Variants in ADAMTSL2 observed in about 807,000 individuals in gnomAD.
ADAMTSL2 encodes ADAMTS-like protein 2.
Under a neutral mutation model 117.0 loss-of-function variants are expected in ADAMTSL2, and 55 were observed. The observed-to-expected ratio is 0.47, with a 90% CI of 0.38 to 0.59. The LOEUF (loss-of-function observed/expected upper bound fraction) is 0.59, where lower values mean the gene tolerates loss of function less well. Ranked by LOEUF, ADAMTSL2 falls within the 20% of genes least tolerant of loss-of-function variation. ADAMTSL2 has a pLI of 0.00. For missense variants in ADAMTSL2, 1,182 were observed against 1,354.5 expected, an observed-to-expected ratio of 0.87 and a Z score of 2.00; for synonymous variants, 572 against 566.4, an observed-to-expected ratio of 1.01 and a Z score of -0.14.
chr9:133,568,163 G>C, intron 13 of ADAMTSL2, 110 bp from the exon 14 acceptor site: 1 of 1,168,086 alleles, frequency 8.6e-7, no homozygotes, highest in Non-Finnish European at 1.2e-6. Context: ...TGCGGTTTTG[G>C]ACCACATAGG....
chr9:133,574,954 G>A lies in ADAMTSL2; in HGVS notation c.*90G>A, dbSNP rs1831194582. On this transcript the variant is annotated 3_prime_UTR_variant, in exon 19 of 19. Transcript: ENST00000651351. The stretch of plus-strand genomic sequence containing the variant: ...TGGGGCCTCCACAGACCCCCCTCCT[G>A]CGGGGCACGCTGGCCTAAGAGACGT... 4.0e-6 allele frequency: 4 copies of A among 1,003,482 alleles called. No homozygotes were observed. Among genetic ancestry groups the A allele is most frequent in the Non-Finnish European group, 6.3e-6 (4 of 636,208 alleles). 62.2% of individuals were successfully genotyped at this position (1,003,482 alleles called of 1,614,324 possible). A position where few individuals can be genotyped will look rare whatever the true frequency, so the allele number is the denominator to read the frequency against.
At chr9:133,571,922 C>T (rs893875959) in intron 17 of ADAMTSL2, among the ~76,000 whole-genome samples, 2 of 152,172 alleles carry the variant, frequency 1.3e-5, no homozygotes, top group South Asian at 2.1e-4. Flanking sequence ...GAGCCTGGAA[C>T]GTTCATGGTG....
chr9:133,547,342 A>T, intron 9 of ADAMTSL2, 129 bp downstream of exon 9: 1 of 882,018 alleles, frequency 1.1e-6, no homozygotes, highest in Non-Finnish European at 1.8e-6. Flanking sequence ...CGGCAGCCTC[A>T]CCACTCTGCG....
intron 1 of ADAMTSL2, 23 bp from the exon 2 acceptor site, chr9:133,536,539 CG>C (rs1564490878): frequency 1.3e-6 from 2 of 1,538,264 alleles, no homozygotes; most frequent in Non-Finnish European, 1.8e-6. Context: ...TAGACTGAGG[CG>C]GGGGGTTCAT....
intron 9 of ADAMTSL2, 62 bp downstream of exon 9, chr9:133,547,275 G>C: frequency 6.5e-7 from 1 of 1,544,048 alleles, no homozygotes; most frequent in African/African-American, 1.4e-5. Context: ...CCAGAATCCA[G>C]CCACAGGTGA....
At chr9:133,544,606 T>C in intron 8 of ADAMTSL2, 56 bp downstream of exon 8, 1 of 1,480,640 alleles carries the variant, frequency 6.8e-7, no homozygotes, top group South Asian at 1.1e-5. Flanking sequence ...TGGAGCGTTG[T>C]GCGTGGCAGA....
Position 133,555,555 on chromosome 9 carries a change from C to T in ADAMTSL2, c.1277-3C>T, listed in dbSNP as rs1256901629. On this transcript the variant is annotated splice_polypyrimidine_tract_variant and splice_region_variant and intron_variant, in intron 10 of 18. Coordinates refer to ENST00000651351, the MANE Select transcript of ADAMTSL2 (RefSeq NM_014694.4). ...ACGGTTGAGCCACCTGTCTCCTCTCCAGACCGCAACGTCACGGGGACTCCT... is the reference window on the plus strand; with the variant it reads ...ACGGTTGAGCCACCTGTCTCCTCTCTAGACCGCAACGTCACGGGGACTCCT... 1 of 1,613,008 alleles carries T rather than the reference C, an allele frequency of 6.2e-7. No homozygotes were observed. Among genetic ancestry groups the T allele is most frequent in the African/African-American group, 1.3e-5 (1 of 75,060 alleles).
At chr9:133,543,252 T>C (rs1830267860) in intron 7 of ADAMTSL2, among the ~76,000 whole-genome samples, 2 of 152,224 alleles carry the variant, frequency 1.3e-5, no homozygotes, top group South Asian at 4.1e-4. Flanking sequence ...AAAAACACCA[T>C]ATACGGGTGT....
At chr9:133,569,311 C>G (rs1831050396) in intron 15 of ADAMTSL2, 97 bp from the exon 16 acceptor site, 2 of 1,308,892 alleles carry the variant, frequency 1.5e-6, no homozygotes, top group Non-Finnish European at 2.2e-6. Flanking sequence ...TCGACACTGC[C>G]TGGGAGCCAC....
Position 133,536,742 on chromosome 9 carries a change from G to T in ADAMTSL2, c.30G>T (p.Trp10Cys). Residue 10 changes from tryptophan to cysteine, a missense_variant, in exon 2 of 19, where the codon TGG (tryptophan) becomes TGT (cysteine). Coordinates refer to ENST00000651351, the MANE Select transcript of ADAMTSL2 (RefSeq NM_014694.4). The part of the protein sequence containing the change: MDGRWQCSC[W>C]AWFLLVLAVV... ...ATGGCAGATGGCAATGTTCCTGCTG[G>T]GCCTGGTTCCTGCTGGTTCTGGCAG... 6.2e-7 allele frequency: 1 copy of T among 1,614,206 alleles called. No individual in the cohort carries two copies. The highest frequency in any genetic ancestry group is 2.2e-5 in the East Asian group (1 of 44,878).
Position 133,539,842 on chromosome 9 carries a change from G to A in ADAMTSL2, c.381G>A (p.Gly127=), listed in dbSNP as rs1418717718. The A allele has an allele frequency of 3.9e-6, 6 of 1,551,054 alleles. No homozygotes were observed. The East Asian group carries it at 7.3e-5, about 19-fold the overall frequency. ...CCTTCAACTCCCACGTGTACAACGG[G>A]CGGACGCACCAGTGGAAGCCTCTGT... The part of the protein sequence containing the change: ...CVSFNSHVYN[G]RTHQWKPLYP... The change falls in exon 5 of 19, where the codon GGG becomes GGA. Residue 127 remains glycine, a synonymous_variant. Coordinates refer to ENST00000651351, the MANE Select transcript of ADAMTSL2 (RefSeq NM_014694.4).
chr9:133,564,637 AGAGGGAGAGAGG>A (rs1564179047), intron 12 of ADAMTSL2, among the ~76,000 whole-genome samples: 6 of 24,182 alleles, frequency 2.5e-4, no homozygotes, highest in African/African-American at 6.3e-4. Context: ...AGAGAGAGAG[AGAGGGAGAGAGG>A]GAGAGAGGGA....
intron 18 of ADAMTSL2, 108 bp downstream of exon 18, chr9:133,574,095 G>A (rs1488589357): frequency 1.4e-6 from 2 of 1,442,122 alleles, no homozygotes; most frequent in Middle Eastern, 2.3e-4. Flanking sequence ...TGGCGAGCCT[G>A]GGAACCAGCT....
At chr9:133,555,441 G>A in intron 10 of ADAMTSL2, 117 bp from the exon 11 acceptor site, 2 of 1,347,390 alleles carry the variant, frequency 1.5e-6, no homozygotes, top group Non-Finnish European at 1.0e-6. Flanking sequence ...CTCCTTCTGG[G>A]AGCTTCTTGG....
At chr9:133,548,563 G>T (rs1197970137) in intron 9 of ADAMTSL2, among the ~76,000 whole-genome samples, 1 of 152,064 alleles carries the variant, frequency 6.6e-6, no homozygotes, top group Non-Finnish European at 1.5e-5. Context: ...ATGTGGGCAG[G>T]AGGGCACGGG....
chr9:133,573,562 A>G (rs1831159492), intron 17 of ADAMTSL2, among the ~76,000 whole-genome samples: 2 of 152,094 alleles, frequency 1.3e-5, no homozygotes, highest in Non-Finnish European at 2.9e-5. Context: ...AGGAGGGACC[A>G]CCCCTCACTG....
At chr9:133,552,458 C>T (rs1830509273) in intron 9 of ADAMTSL2, among the ~76,000 whole-genome samples, 1 of 152,158 alleles carries the variant, frequency 6.6e-6, no homozygotes, top group African/African-American at 2.4e-5. Flanking sequence ...TTGGAGTGGT[C>T]CAGATGCCTT....
chr9:133,571,840 T>C (rs1488761588), intron 17 of ADAMTSL2, among the ~76,000 whole-genome samples: 1 of 152,162 alleles, frequency 6.6e-6, no homozygotes, highest in East Asian at 1.9e-4. Flanking sequence ...TCCAGCTACC[T>C]CTGCCCTCAG....
chr9:133,535,143 C>T (rs371887868), intron 1 of ADAMTSL2, among the ~76,000 whole-genome samples: 2 of 152,198 alleles, frequency 1.3e-5, no homozygotes, highest in East Asian at 1.9e-4. Flanking sequence ...CTCTCTGCTG[C>T]CGCCAGCCGC....
Sources: allele counts gnomAD v4.1 joint callset (sites outside exome capture counted in the v4.1 genomes callset), GRCh38; gene constraint gnomAD v4.1.1; transcripts MANE v1.5; gene names NCBI Gene and HGNC (gene_info 2026-07-23, HGNC 2026-07-21).